The following LMAN2 variants were observed in gnomAD, a reference collection of about 807,000 sequenced individuals.
LMAN2 encodes vesicular integral-membrane protein VIP36.
Under a neutral mutation model 39.3 loss-of-function variants are expected in LMAN2, and 22 were observed. The observed-to-expected ratio is 0.56, with a 90% confidence interval of 0.40 to 0.80. The LOEUF is 0.80. LMAN2 is among the 30% of genes least tolerant of loss of function. The pLI is 0.00. For synonymous variants in LMAN2, 207 were observed against 207.8 expected (o/e 1.00, Z 0.03); for missense variants, 494 against 505.4 (o/e 0.98, Z 0.22).
At position 177,338,473 on chromosome 5, in the gene LMAN2, C is replaced by T. The variant is rs1322306013; in HGVS notation, c.433+15G>A. 5 of 1,608,158 alleles carry T rather than the reference C, an allele frequency of 3.1e-6. No individual in the cohort carries two copies. Among genetic ancestry groups the T allele is most frequent in the Admixed American group, 3.3e-5 (2 of 59,982 alleles). ...CCCACCCCCACAGGGCCCAGCTGAG[C>T]GAACACCAGCCCACCTGGCACGAGG... On this transcript the variant is annotated intron_variant, in intron 3 of 7. Coordinates refer to ENST00000303127, the MANE Select transcript of LMAN2 (RefSeq NM_006816.3).
intron 2 of LMAN2, among the ~76,000 whole-genome samples, chr5:177,343,011 T>C (rs1029621982): frequency 2.6e-5 from 4 of 152,084 alleles, no homozygotes; most frequent in African/African-American, 9.7e-5. Context: ...CCCAGCACTT[T>C]GGGAGGCCAA....
At chr5:177,343,564 GACAC>G (rs368470169) in intron 2 of LMAN2, among the ~76,000 whole-genome samples, 25 of 84,626 alleles carry the variant, frequency 3.0e-4, no homozygotes, top group South Asian at 1.5e-3. Flanking sequence ...ATGTGGTCTA[GACAC>G]ACACACACAC....
intron 2 of LMAN2, among the ~76,000 whole-genome samples, chr5:177,340,786 A>G (rs1044681990): frequency 8.1e-5 from 12 of 148,718 alleles, no homozygotes; most frequent in African/African-American, 3.0e-4. Flanking sequence ...AATCAGACTC[A>G]CTCTGTCGCC....
chr5:177,336,228 G>A (rs1761466512), intron 6 of LMAN2, among the ~76,000 whole-genome samples: 1 of 152,102 alleles, frequency 6.6e-6, no homozygotes, highest in African/African-American at 2.4e-5. Context: ...GGCCCTAGGA[G>A]ACAAGGGTGA....
intron 2 of LMAN2, among the ~76,000 whole-genome samples, chr5:177,342,349 A>T (rs1477620695): frequency 2.6e-5 from 4 of 152,216 alleles, no homozygotes; most frequent in East Asian, 1.9e-4. Context: ...CTATAAAAAA[A>T]AATAATAATA....
rs1319788137 is a variant in LMAN2, at chr5:177,332,688, C to T, written c.911-442G>A. Among the ~76,000 whole-genome samples, 1 of 152,060 alleles carries T rather than the reference C, an allele frequency of 6.6e-6. No homozygotes were observed. Among genetic ancestry groups the T allele is most frequent in the Non-Finnish European group, 1.5e-5 (1 of 67,972 alleles). ...CCACAGCTGGATGCTCTCGGCAGCC[C>T]CCCAGGAGGGTCTCCCAGGACCTGA... On this transcript the variant is annotated intron_variant, in intron 7 of 7. Transcript: ENST00000303127. The surrounding 1 kb of genome is among the most constrained non-coding windows in gnomAD (Gnocchi z 6.3).
chr5:177,341,592 GACAA>G (rs900691735), intron 2 of LMAN2, among the ~76,000 whole-genome samples: 1 of 152,140 alleles, frequency 6.6e-6, no homozygotes, highest in African/African-American at 2.4e-5. Flanking sequence ...GATATTTTGA[GACAA>G]ACAAACAAAA....
chr5:177,336,102 T>C (rs551183684), intron 6 of LMAN2, among the ~76,000 whole-genome samples: 1 of 152,170 alleles, frequency 6.6e-6, no homozygotes, highest in South Asian at 2.1e-4. Flanking sequence ...GTAAATATTA[T>C]GAAGAAAAAT....
chr5:177,336,246 G>C (rs779727593), intron 6 of LMAN2, among the ~76,000 whole-genome samples: 2 of 152,148 alleles, frequency 1.3e-5, no homozygotes, highest in African/African-American at 2.4e-5. Context: ...TGAAACAGCC[G>C]GGGCAGGAGG....
In LMAN2 at chr5:177,337,727, G is replaced by A. The variant is rs762519854; in HGVS notation, c.492C>T (p.Tyr164=). Residue 164 remains tyrosine (Y), a synonymous_variant, in exon 4 of 8, where the codon TAC becomes TAT. Coordinates refer to ENST00000303127, the MANE Select transcript of LMAN2 (RefSeq NM_006816.3). This position sits in a 1 kb window ranked among gnomAD's most constrained non-coding sequence, Gnocchi z 8.2. The part of the protein sequence containing the change: ...FHGLAIFLDT[Y]PNDETTERVF... ...CTACCTCAGTGGTCTCATCATTGGG[G>A]TAGGTGTCCAGGAAGATGGCTAAGC... The A allele has an allele frequency of 2.5e-6, 4 of 1,614,048 alleles. No homozygotes were observed. The highest frequency in any genetic ancestry group is 2.2e-5 in the South Asian group (2 of 91,054).
chr5:177,336,538 G>C (rs1761473579), intron 6 of LMAN2, among the ~76,000 whole-genome samples: 1 of 152,230 alleles, frequency 6.6e-6, no homozygotes, highest in Admixed American at 6.5e-5. Context: ...TCAGGGAGGG[G>C]AGGGAAGTGG....
chr5:177,334,144 T>C (rs1761433744), intron 7 of LMAN2, 140 bp downstream of exon 7: 23 of 1,409,802 alleles, frequency 1.6e-5, no homozygotes, highest in African/African-American at 4.3e-5. Context: ...CCAGTGCCGC[T>C]TGCCAGGACC....
chr5:177,332,348 G>A lies in LMAN2; in HGVS notation c.911-102C>T. On this transcript the variant is annotated intron_variant, in intron 7 of 7. Transcript: ENST00000303127. The surrounding 1 kb of genome is among the most constrained non-coding windows in gnomAD (Gnocchi z 6.3). ...TGGAACAGGACAGCCGGCCACGGTG[G>A]GCAGGCCGGTCGTACTCACCCCCCT... is the stretch of plus-strand genomic sequence containing the variant. 1 of 1,128,904 alleles carries A rather than the reference G, an allele frequency of 8.9e-7. No homozygotes were observed. The highest frequency in any genetic ancestry group is 1.3e-6 in the Non-Finnish European group (1 of 789,092). The allele number at this position is 1,128,904 out of a possible 1,614,324, so 69.9% of individuals were successfully genotyped here. A position where few individuals can be genotyped will look rare whatever the true frequency, so the allele number is the denominator to read the frequency against.
chr5:177,348,878 C>T (rs1173050678), intron 2 of LMAN2, among the ~76,000 whole-genome samples: 8 of 122,374 alleles, frequency 6.5e-5, no homozygotes, highest in Admixed American at 2.4e-4. Flanking sequence ...AACAAGACTC[C>T]GTCTCAAAAA....
Position 177,351,661 on chromosome 5 carries a change from C to G in LMAN2, c.-14G>C, listed in dbSNP as rs774889108. On this transcript the variant is annotated 5_prime_UTR_variant, in exon 1 of 8. Coordinates refer to ENST00000303127, the MANE Select transcript of LMAN2 (RefSeq NM_006816.3). ...TTCCGCCGCCATTCTCCTCTCCTCT[C>G]GGCCACTTCCGCCCTAGAACTTCCG... 1.3e-6 allele frequency: 2 copies of G among 1,563,710 alleles called. No homozygotes were observed. The highest frequency in any genetic ancestry group is 2.0e-5 in the Admixed American group (1 of 50,148).
chr5:177,334,371 G>A lies in LMAN2; in HGVS notation c.823C>T (p.Gln275Ter), dbSNP rs1761438266. The A allele has an allele frequency of 6.2e-7, 1 of 1,613,660 alleles. No homozygotes were observed. The highest frequency in any genetic ancestry group is 1.7e-5 in the Admixed American group (1 of 60,012). Reference protein sequence around the residue: ...NHDIISMKLFQLMVEHTPDEE... With the variant: ...NHDIISMKLF ...TCGGGCGTGTGCTCCACCATCAGCT[G>A]GAACAGCTTCATGGAGATGATGTCA... Residue 275 changes from glutamine to a stop codon, truncating the protein, a stop_gained, in exon 7 of 8, where the codon CAG becomes TAG. Transcript: ENST00000303127. LOFTEE classifies it high-confidence loss of function.
At chr5:177,345,673 C>T (rs1453499735) in intron 2 of LMAN2, among the ~76,000 whole-genome samples, 1 of 152,166 alleles carries the variant, frequency 6.6e-6, no homozygotes, top group Non-Finnish European at 1.5e-5. Flanking sequence ...GCTCCTGCCT[C>T]ACCACTGTTT....
At position 177,332,109 on chromosome 5, in the gene LMAN2, C is replaced by T. The variant is rs1316530896; in HGVS notation, c.1048G>A (p.Glu350Lys). The T allele has an allele frequency of 6.2e-7, 1 of 1,613,194 alleles. No individual in the cohort carries two copies. Among genetic ancestry groups the T allele is most frequent in the African/African-American group, 1.3e-5 (1 of 74,922 alleles). The change falls in exon 8 of 8, where the codon GAG becomes AAG. Residue 350 changes from glutamate to lysine, a missense_variant. Physicochemically the swap from Glu to Lys is moderately conservative, Grantham distance 56 (BLOSUM62 1). Transcript: ENST00000303127. This position sits in a 1 kb window ranked among gnomAD's most constrained non-coding sequence, Gnocchi z 6.3. ...VGAVVFQKRQERNKRFY is the reference protein window; with the variant it reads ...VGAVVFQKRQKRNKRFY ...ACTCAGTAGAAGCGCTTGTTCCGCTCCTGCCGCTTCTGGAACACCACGGCC... is the reference window on the plus strand; with the variant it reads ...ACTCAGTAGAAGCGCTTGTTCCGCTTCTGCCGCTTCTGGAACACCACGGCC...
intron 7 of LMAN2, among the ~76,000 whole-genome samples, chr5:177,333,150 T>C (rs1761416737): frequency 6.6e-6 from 1 of 152,182 alleles, no homozygotes; most frequent in Non-Finnish European, 1.5e-5. Context: ...CGGAGGTCCC[T>C]AGGGATGGTG....
Sources: allele counts gnomAD v4.1 joint callset (sites outside exome capture counted in the v4.1 genomes callset), GRCh38; gene constraint gnomAD v4.1.1; non-coding constraint Gnocchi (gnomAD v3.1); transcripts MANE v1.5; gene names NCBI Gene and HGNC (gene_info 2026-07-23, HGNC 2026-07-21).